EBF1: variants seen among roughly 807,000 people sequenced by gnomAD.
EBF1 encodes transcription factor COE1.
In EBF1, 10 loss-of-function variants were observed where a neutral mutation model predicts 68.4. The ratio of observed to expected loss-of-function variants is 0.15; its 90% CI spans 0.09 to 0.25. The LOEUF (loss-of-function observed/expected upper bound fraction) is 0.25. Among genes scored for constraint, EBF1 ranks in the 10% least tolerant of loss-of-function variants. EBF1 has a pLI of 1.00. For synonymous variants in EBF1, 298 were observed against 299.8 expected, an observed-to-expected ratio of 0.99 and a Z score of 0.06; for missense variants, 509 against 794.4, an observed-to-expected ratio of 0.64 and a Z score of 4.32.
chr5:159,080,088 T>C (rs1174722528), intron 5 of EBF1, among the ~76,000 whole-genome samples: 1 of 152,146 alleles, frequency 6.6e-6, no homozygotes, highest in African/African-American at 2.4e-5. Context: ...ACTCTCACCC[T>C]TGGGAAACGA....
chr5:158,748,072 A>G (rs115133283), intron 10 of EBF1, among the ~76,000 whole-genome samples: 1 of 152,214 alleles, frequency 6.6e-6, no homozygotes, highest in African/African-American at 2.4e-5. Flanking sequence ...ATAGTAAAAG[A>G]TGCCTACAGT....
chr5:158,710,095 C>G (rs140314758), intron 14 of EBF1, among the ~76,000 whole-genome samples: 8 of 152,246 alleles, frequency 5.3e-5, no homozygotes, highest in Non-Finnish European at 8.8e-5. Context: ...AACATGAGTG[C>G]TTTATGAATA....
rs1333807912 is a variant in EBF1 at position 159,084,896 on chromosome 5, T to C, written c.412-157A>G. Among the ~76,000 whole-genome samples the C allele has an allele frequency of 3.3e-5, 5 of 152,110 alleles. No homozygotes were observed. In the East Asian group the frequency reaches 7.7e-4, roughly 23 times the overall value. On this transcript the variant is annotated intron_variant, in intron 4 of 15. Coordinates refer to ENST00000313708, the MANE Select transcript of EBF1 (RefSeq NM_024007.5). ...CTGGGTTGATCGTCTGAAGGTATGA[T>C]ATTCGGGATTAACCTGAAAGGCATG... is the stretch of plus-strand genomic sequence containing the variant.
intron 12 of EBF1, among the ~76,000 whole-genome samples, chr5:158,713,581 G>A (rs946954056): frequency 6.6e-6 from 1 of 152,186 alleles, no homozygotes; most frequent in Non-Finnish European, 1.5e-5. Flanking sequence ...GATGTTAAGG[G>A]AAGGCTGTAG....
intron 10 of EBF1, among the ~76,000 whole-genome samples, chr5:158,758,753 T>C (rs1211668855): frequency 6.6e-6 from 1 of 152,188 alleles, no homozygotes; most frequent in Non-Finnish European, 1.5e-5. Context: ...TTACTGTATT[T>C]GTACTTCCCA....
chr5:158,896,530 C>T (rs1582977246), intron 6 of EBF1, among the ~76,000 whole-genome samples: 2 of 152,156 alleles, frequency 1.3e-5, no homozygotes, highest in East Asian at 3.8e-4. Context: ...CCCACAACTT[C>T]CTGATGAAAA....
Position 158,912,026 on chromosome 5 carries a change from A to G in EBF1, c.555-71916T>C, listed in dbSNP as rs146892625. On this transcript the variant is annotated intron_variant, in intron 6 of 15. Coordinates refer to ENST00000313708, the MANE Select transcript of EBF1 (RefSeq NM_024007.5). ...TCCAAGTTCATTTCTTTAGTGGGTG[A>G]GTAATGACAGTTTCACCTCCAGAGT... 5.7e-3 allele frequency among the ~76,000 whole-genome samples: 864 copies of G among 152,324 alleles called. 10 individuals carry two copies. Among genetic ancestry groups the G allele is most frequent in the African/African-American group, 0.02 (825 of 41,564 alleles).
intron 6 of EBF1, among the ~76,000 whole-genome samples, chr5:159,044,131 G>T (rs970470032): frequency 6.6e-6 from 1 of 152,132 alleles, no homozygotes; most frequent in African/African-American, 2.4e-5. Flanking sequence ...TAAAAATGAT[G>T]TTCTGTGTAT....
chr5:158,748,130 T>C (rs1465175987), intron 10 of EBF1, among the ~76,000 whole-genome samples: 1 of 152,208 alleles, frequency 6.6e-6, no homozygotes, highest in East Asian at 1.9e-4. Context: ...TATCCACATA[T>C]GCTACATAAA....
intron 6 of EBF1, among the ~76,000 whole-genome samples, chr5:159,012,251 C>T (rs1764815379): frequency 6.7e-6 from 1 of 150,366 alleles, no homozygotes; most frequent in Non-Finnish European, 1.5e-5. Flanking sequence ...CGCGCCACTG[C>T]ATTCTCGCCT....
chr5:158,708,291 A>G (rs1386376491), intron 14 of EBF1, 118 bp from the exon 15 acceptor site: 9 of 1,010,164 alleles, frequency 8.9e-6, no homozygotes, highest in Non-Finnish European at 1.3e-5. Flanking sequence ...CGATGCTTCC[A>G]GCACAAACCT....
chr5:159,012,852 G>A (rs1438052655), intron 6 of EBF1, among the ~76,000 whole-genome samples: 2 of 152,116 alleles, frequency 1.3e-5, no homozygotes, highest in Non-Finnish European at 2.9e-5. Flanking sequence ...TCATTGGGGT[G>A]GGCCTTAATC....
intron 6 of EBF1, among the ~76,000 whole-genome samples, chr5:158,851,077 G>A (rs952731862): frequency 6.6e-6 from 1 of 151,914 alleles, no homozygotes; most frequent in Non-Finnish European, 1.5e-5. Context: ...AGCACAAGCT[G>A]CAGGGAAAGA....
intron 6 of EBF1, among the ~76,000 whole-genome samples, chr5:158,912,892 T>A (rs1307620919): frequency 6.6e-6 from 1 of 152,244 alleles, no homozygotes; most frequent in Non-Finnish European, 1.5e-5. Flanking sequence ...GTATAGATGC[T>A]GACCGCAAAG....
At chr5:158,875,325 T>A (rs1021409006) in intron 6 of EBF1, among the ~76,000 whole-genome samples, 1 of 152,154 alleles carries the variant, frequency 6.6e-6, no homozygotes, top group Non-Finnish European at 1.5e-5. Context: ...TTCCAAGTGA[T>A]TTTTTTAACC....
At chr5:158,737,259 T>G (rs1765374432) in intron 10 of EBF1, among the ~76,000 whole-genome samples, 1 of 135,780 alleles carries the variant, frequency 7.4e-6, no homozygotes, top group Non-Finnish European at 1.6e-5. Flanking sequence ...CCTTTGAACA[T>G]GCCCTGATTT....
intron 6 of EBF1, chr5:158,941,304 A>G (rs1408485831): frequency 4.4e-6 from 2 of 454,274 alleles, no homozygotes; most frequent in Non-Finnish European, 8.8e-6. Flanking sequence ...AAATACAGCA[A>G]ACCTCTCAAG....
chr5:159,027,996 G>A (rs373522761), intron 6 of EBF1, among the ~76,000 whole-genome samples: 8 of 152,252 alleles, frequency 5.3e-5, no homozygotes, highest in South Asian at 4.1e-4. Flanking sequence ...AAAATGACAC[G>A]GACTTGGTAA....
At chr5:158,770,052 T>G (rs1773565310) in intron 10 of EBF1, among the ~76,000 whole-genome samples, 1 of 152,162 alleles carries the variant, frequency 6.6e-6, no homozygotes, top group Admixed American at 6.6e-5. Context: ...CTTAGGCTTG[T>G]CTTTATAACA....
Sources: allele counts gnomAD v4.1 joint callset (sites outside exome capture counted in the v4.1 genomes callset), GRCh38; gene constraint gnomAD v4.1.1; transcripts MANE v1.5; gene names NCBI Gene and HGNC (gene_info 2026-07-23, HGNC 2026-07-21).